The following ZSCAN20 variants were observed in gnomAD, a reference collection of about 807,000 sequenced individuals.
ZSCAN20 encodes zinc finger and SCAN domain containing 20, also known as zinc finger and SCAN domain-containing protein 20.
Under a neutral mutation model 97.1 loss-of-function variants are expected in ZSCAN20, and 39 were observed. The ratio of observed to expected loss-of-function variants is 0.40; its 90% CI spans 0.31 to 0.52. The LOEUF is 0.52. Ranked by LOEUF, ZSCAN20 falls within the 20% of genes least tolerant of loss-of-function variation. The probability of loss-of-function intolerance (pLI) is 0.49; values close to 1 mark genes in which losing one functional copy is unlikely to be tolerated. For synonymous variants in ZSCAN20, 456 were observed against 467.3 expected, an observed-to-expected ratio of 0.98 and a Z score of 0.31; for missense variants, 1,115 against 1,290.4, an observed-to-expected ratio of 0.86 and a Z score of 2.08.
chr1:33,489,329 C>T, intron 4 of ZSCAN20, 138 bp downstream of exon 4: 1 of 1,079,104 alleles, frequency 9.3e-7, no homozygotes, highest in Non-Finnish European at 1.4e-6. Context: ...GCCCTTCACC[C>T]CCAGCCTGCT....
rs1652981322 is a variant in ZSCAN20, at chr1:33,499,334, T to C, written c.*3858T>C. Among the ~76,000 whole-genome samples, 1 of 152,210 alleles carries C rather than the reference T, an allele frequency of 6.6e-6. No individual in the cohort carries two copies. The highest frequency in any genetic ancestry group is 1.5e-5 in the Non-Finnish European group (1 of 68,032). On this transcript the variant is annotated 3_prime_UTR_variant, in exon 8 of 8. Transcript: ENST00000684572. ...GGCTTGCTTCTTCATTCACTCTGTT[T>C]CCCTTTCTCTTCTTTTTTTCTTTTC...
In ZSCAN20 at chr1:33,489,532, TG is replaced by T. The variant is rs1310955266; in HGVS notation, c.698del (p.Gly233AlafsTer45). On this transcript the variant is annotated frameshift_variant, in exon 5 of 8. Transcript: ENST00000684572. LOFTEE classifies it high-confidence loss of function. The stretch of plus-strand genomic sequence containing the variant: ...GCATCTCGCAGGAAGCCCTGGGCCC[TG>T]GCAAACATGCTGAGAAGGAGCTCTG... Reference protein sequence around the residue: ...TAESQEALGPGKHAEKELCKD... With the variant: ...TAESQEALGPXKHAEKELCKD... 1 of 1,613,980 alleles carries T rather than the reference TG, an allele frequency of 6.2e-7. No individual in the cohort carries two copies. The highest frequency in any genetic ancestry group is 8.5e-7 in the Non-Finnish European group (1 of 1,179,908).
intron 2 of ZSCAN20, among the ~76,000 whole-genome samples, chr1:33,487,882 C>T (rs142329799): frequency 6.6e-6 from 1 of 152,182 alleles, no homozygotes; most frequent in Non-Finnish European, 1.5e-5. Context: ...GAACCCTTGG[C>T]ATCAAGTGAT....
rs529879592 is a variant in ZSCAN20 at position 33,489,265 on chromosome 1, C to G, written c.681+74C>G. 9 of 1,467,906 alleles carry G rather than the reference C, an allele frequency of 6.1e-6. No homozygotes were observed. In the Admixed American group the frequency reaches 1.2e-4, roughly 20 times the overall value. 90.9% of individuals were successfully genotyped at this position (1,467,906 alleles called of 1,614,324 possible). A position where few individuals can be genotyped will look rare whatever the true frequency, so the allele number is the denominator to read the frequency against. ...CTTGCCCCCACAGTGTTCCTCCTCT[C>G]TCTCCATGACCTCTGCTCAGCAAAA... On this transcript the variant is annotated intron_variant, in intron 4 of 7. Transcript: ENST00000684572.
chr1:33,496,131 C>T lies in ZSCAN20; in HGVS notation c.*655C>T, dbSNP rs956852836. On this transcript the variant is annotated 3_prime_UTR_variant, in exon 8 of 8. Transcript: ENST00000684572. ...TAAGTACTAACTTTCTCCCCATTTC[C>T]TAGAGGCTTGGGAAATTAAGTAACT... 2 of 152,206 alleles carry T rather than the reference C, an allele frequency of 1.3e-5. No individual in the cohort carries two copies. The highest frequency in any genetic ancestry group is 4.8e-5 in the African/African-American group (2 of 41,446). 9.4% of individuals were successfully genotyped at this position (152,206 alleles called of 1,614,324 possible).
intron 5 of ZSCAN20, 150 bp downstream of exon 5, chr1:33,489,752 C>T: frequency 2.7e-6 from 2 of 741,126 alleles, no homozygotes; most frequent in Non-Finnish European, 4.4e-6. Context: ...GTAGCCAGCA[C>T]TCTCATGGCA....
intron 1 of ZSCAN20, among the ~76,000 whole-genome samples, chr1:33,478,663 G>A (rs1652024777): frequency 6.6e-6 from 1 of 152,114 alleles, no homozygotes; most frequent in African/African-American, 2.4e-5. Flanking sequence ...GTTGGATTTT[G>A]CAAGGAGAAC....
chr1:33,484,079 T>G (rs1652259341), intron 2 of ZSCAN20, among the ~76,000 whole-genome samples: 1 of 152,220 alleles, frequency 6.6e-6, no homozygotes. Context: ...TATAACTGCT[T>G]ATTAGTTCCC....
rs747532682 is a variant in ZSCAN20 at position 33,501,473 on chromosome 1, AT to A, written c.*6000del. Among the ~76,000 whole-genome samples, 8 of 151,476 alleles carry A rather than the reference AT, an allele frequency of 5.3e-5. No homozygotes were observed. The highest frequency in any genetic ancestry group is 1.3e-4 in the Admixed American group (2 of 15,230). On this transcript the variant is annotated 3_prime_UTR_variant, in exon 8 of 8. Transcript: ENST00000684572. ...CCTGAACAGGCCCTTTTGTTTTGCA[AT>A]TTGTGGACCAATCCCTGGCTTCATT... is the stretch of plus-strand genomic sequence containing the variant.
chr1:33,476,922 A>G lies in ZSCAN20; in HGVS notation c.-110-2257A>G, dbSNP rs1012132450. Among the ~76,000 whole-genome samples, 5 of 152,334 alleles carry G rather than the reference A, an allele frequency of 3.3e-5. No homozygotes were observed. In the East Asian group the frequency reaches 9.6e-4, roughly 29 times the overall value. ...AGGTTTATCATTTTAATACATGGTA[A>G]TAAAACTTTTTAATGGCCCTGCTAT... On this transcript the variant is annotated intron_variant, in intron 1 of 7. Coordinates refer to ENST00000684572, the MANE Select transcript of ZSCAN20 (RefSeq NM_001377376.1).
chr1:33,478,652 T>C (rs1048183226), intron 1 of ZSCAN20, among the ~76,000 whole-genome samples: 1 of 152,038 alleles, frequency 6.6e-6, no homozygotes, highest in Non-Finnish European at 1.5e-5. Context: ...AGCATAGAGT[T>C]GTTGGATTTT....
Position 33,494,836 on chromosome 1 carries a change from T to G in ZSCAN20, c.2492T>G (p.Phe831Cys), listed in dbSNP as rs368323519. 40 of 1,614,082 alleles carry G rather than the reference T, an allele frequency of 2.5e-5. No individual in the cohort carries two copies. Among genetic ancestry groups the G allele is most frequent in the Non-Finnish European group, 2.6e-5 (31 of 1,180,046 alleles). ...CAGTGTAGTGAGCCTGGGGGAAACT[T>G]TGCCCAAAGCCCATCTTTTAGTGCT... The part of the protein sequence containing the change: ...PDQCSEPGGN[F>C]AQSPSFSAHW... The change falls in exon 8 of 8, where the codon TTT becomes TGT. Residue 831 changes from phenylalanine to cysteine, a missense_variant. Coordinates refer to ENST00000684572, the MANE Select transcript of ZSCAN20 (RefSeq NM_001377376.1).
Position 33,493,094 on chromosome 1 carries a change from T to C in ZSCAN20, c.1445-93T>C. ...TGGATAGTTTCTGACATGCCTATGT[T>C]CTAGGTATTTTGAAGGGCAGGTGAC... On this transcript the variant is annotated intron_variant, in intron 6 of 7. Transcript: ENST00000684572. This position sits in a 1 kb window ranked among gnomAD's most constrained non-coding sequence, Gnocchi z 4.3. 1 of 1,293,984 alleles carries C rather than the reference T, an allele frequency of 7.7e-7. No individual in the cohort carries two copies. Among genetic ancestry groups the C allele is most frequent in the East Asian group, 2.3e-5 (1 of 42,952 alleles). The allele number at this position is 1,293,984 out of a possible 1,614,324, so 80.2% of individuals were successfully genotyped here. A position where few individuals can be genotyped will look rare whatever the true frequency, so the allele number is the denominator to read the frequency against.
At chr1:33,494,077 A>G in intron 7 of ZSCAN20, 141 bp from the exon 8 acceptor site, 1 of 780,126 alleles carries the variant, frequency 1.3e-6, no homozygotes, top group African/African-American at 1.7e-5. Context: ...TGTTAGTCAC[A>G]TTTATAAGAT....
chr1:33,490,489 A>G (rs568728862), intron 5 of ZSCAN20, among the ~76,000 whole-genome samples: 1 of 152,326 alleles, frequency 6.6e-6, no homozygotes, highest in South Asian at 2.1e-4. Context: ...CAGCCACAGT[A>G]CAGACTAGCT....
intron 3 of ZSCAN20, 35 bp downstream of exon 3, chr1:33,488,686 T>C (rs761788774): frequency 6.3e-7 from 1 of 1,591,818 alleles, no homozygotes; most frequent in African/African-American, 1.4e-5. Context: ...GAATGAGGCC[T>C]TCTGCAGGGG....
chr1:33,481,192 C>G (rs891329453), intron 2 of ZSCAN20, among the ~76,000 whole-genome samples: 2 of 152,092 alleles, frequency 1.3e-5, no homozygotes, highest in East Asian at 1.9e-4. Flanking sequence ...TCCCCACCCC[C>G]CTATATTATT....
In ZSCAN20 at chr1:33,495,441, C is replaced by A; in HGVS notation, c.3097C>A (p.His1033Asn). ...DFNNSSHFSA[H>N]RRTHAGGKAS ...CAACAACAGTTCCCACTTCAGTGCT[C>A]ACCGGAGAACCCATGCAGGAGGGAA... The change falls in exon 8 of 8, where the codon CAC becomes AAC. Residue 1033 changes from histidine (H) to asparagine (N), a missense_variant. Around this residue, in one of 3 missense-constraint regions of ZSCAN20, gnomAD observed 554 missense variants for 584.9 expected, o/e 0.95. Transcript: ENST00000684572. The A allele has an allele frequency of 6.4e-7, 1 of 1,558,806 alleles. No individual in the cohort carries two copies. The highest frequency in any genetic ancestry group is 8.7e-7 in the Non-Finnish European group (1 of 1,152,336).
rs759261970 is a variant in ZSCAN20 at position 33,491,561 on chromosome 1, G to A, written c.1303G>A (p.Ala435Thr). The A allele has an allele frequency of 2.0e-5, 32 of 1,614,006 alleles. No individual in the cohort carries two copies. Among genetic ancestry groups the A allele is most frequent in the Admixed American group, 6.7e-5 (4 of 60,008 alleles). ...ACTTCCCAGGCTCGGGTATAGTGAC[G>A]CAGAGATGGATGAGCAGGAGGAAGG... ...VALPRLGYSD[A>T]EMDEQEEGGW... The change falls in exon 6 of 8, where the codon GCA (alanine) becomes ACA (threonine). Residue 435 changes from alanine (A) to threonine (T), a missense_variant. By Grantham distance (58) the Ala-to-Thr change is moderately conservative (BLOSUM62 0). Coordinates refer to ENST00000684572, the MANE Select transcript of ZSCAN20 (RefSeq NM_001377376.1). This position sits in a 1 kb window ranked among gnomAD's most constrained non-coding sequence, Gnocchi z 4.3.
Sources: gnomAD v4.1 joint callset for allele counts (sites outside exome capture counted in the v4.1 genomes callset) on GRCh38, gnomAD v4.1.1 for gene constraint, gnomAD v4.1.1 regional missense constraint, Gnocchi (gnomAD v3.1) non-coding constraint, MANE v1.5 for transcripts, NCBI Gene and HGNC (gene_info 2026-07-23, HGNC 2026-07-21) for gene names.